FLYWCH1: variants seen among roughly 807,000 people sequenced by gnomAD.
The protein encoded by FLYWCH1 is FLYWCH-type zinc finger-containing protein 1.
FLYWCH1 carries 75 observed loss-of-function variants against 66.4 expected under a neutral mutation model. That is an observed-to-expected ratio of 1.13 (90% CI 0.94 to 1.37). The LOEUF is 1.37. Ranked by LOEUF, FLYWCH1 falls within the 40% of genes most tolerant of loss-of-function variation. The pLI is 0.00. For synonymous variants in FLYWCH1, 595 were observed against 429.9 expected, an observed-to-expected ratio of 1.38 and a Z score of -4.75; for missense variants, 1,334 against 1,001.8, an observed-to-expected ratio of 1.33 and a Z score of -4.48.
intron 2 of FLYWCH1, among the ~76,000 whole-genome samples, chr16:2,918,881 C>CT (rs2070268935): frequency 6.6e-6 from 1 of 152,142 alleles, no homozygotes; most frequent in African/African-American, 2.4e-5. Flanking sequence ...ATATTTTGGT[C>CT]TTTTTTGGAA....
At chr16:2,937,516 C>A in intron 7 of FLYWCH1, 132 bp downstream of exon 7, 2 of 1,121,774 alleles carry the variant, frequency 1.8e-6, no homozygotes, top group Non-Finnish European at 2.4e-6. Context: ...ATAAACTCCC[C>A]AGGGGCAGGA....
Position 2,929,978 on chromosome 16 carries a change from T to A in FLYWCH1, c.293T>A (p.Met98Lys). The change falls in exon 3 of 10, where the codon ATG becomes AAG. Residue 98 changes from methionine to lysine, a missense_variant. Met to Lys is a moderately conservative substitution (Grantham distance 95). Coordinates refer to ENST00000253928, the MANE Select transcript of FLYWCH1 (RefSeq NM_001308068.2). ...QGGVVQPALEMPEQKCSKLDA... is the reference protein window; with the variant it reads ...QGGVVQPALEKPEQKCSKLDA... ...GGGGTGGTCCAGCCAGCCCTAGAGA[T>A]GCCTGAACAGAAGTGCAGCAAGCTG... 1 of 1,609,338 alleles carries A rather than the reference T, an allele frequency of 6.2e-7. No individual in the cohort carries two copies. The highest frequency in any genetic ancestry group is 8.5e-7 in the Non-Finnish European group (1 of 1,176,592).
At chr16:2,918,765 T>C (rs1274532110) in intron 2 of FLYWCH1, among the ~76,000 whole-genome samples, 2 of 152,066 alleles carry the variant, frequency 1.3e-5, no homozygotes, top group Non-Finnish European at 1.5e-5. Context: ...GTTATAAACA[T>C]GTAAAATAAA....
In FLYWCH1 at chr16:2,937,155, C is replaced by T. The variant is rs1273205984; in HGVS notation, c.1548C>T (p.Gly516=). 6.2e-7 allele frequency: 1 copy of T among 1,609,310 alleles called. No individual in the cohort carries two copies. The highest frequency in any genetic ancestry group is 8.5e-7 in the Non-Finnish European group (1 of 1,178,566). Residue 516 remains glycine (G), a synonymous_variant, in exon 7 of 10, where the codon GGC becomes GGT. Coordinates refer to ENST00000253928, the MANE Select transcript of FLYWCH1 (RefSeq NM_001308068.2). ...GPEFLKTPLG[G]SFLVYESFLY... is the part of the protein sequence containing the mutation. Reference sequence around the variant, plus strand: ...AGTTCCTGAAGACGCCCCTGGGGGGCAGCTTCCTGGTGTACGAGTCCTTCC... The same window carrying T: ...AGTTCCTGAAGACGCCCCTGGGGGGTAGCTTCCTGGTGTACGAGTCCTTCC...
chr16:2,940,323 G>A (rs991796774), intron 9 of FLYWCH1, among the ~76,000 whole-genome samples: 1 of 152,144 alleles, frequency 6.6e-6, no homozygotes, highest in Non-Finnish European at 1.5e-5. Flanking sequence ...CCCCTCCTTG[G>A]GCCCACTTGA....
intron 2 of FLYWCH1, among the ~76,000 whole-genome samples, chr16:2,916,620 G>A (rs1450203885): frequency 6.6e-6 from 1 of 151,948 alleles, no homozygotes; most frequent in Non-Finnish European, 1.5e-5. Context: ...CTGGGTGACA[G>A]AGCGAGACTC....
rs2071595517 is a variant in FLYWCH1 at position 2,948,945 on chromosome 16, A to G, written c.*218A>G. 1 of 550,736 alleles carries G rather than the reference A, an allele frequency of 1.8e-6. No individual in the cohort carries two copies. The highest frequency in any genetic ancestry group is 3.3e-6 in the Non-Finnish European group (1 of 305,648). 34.1% of individuals were successfully genotyped at this position (550,736 alleles called of 1,614,324 possible). On this transcript the variant is annotated 3_prime_UTR_variant, in exon 10 of 10. Transcript: ENST00000253928. ...CAGTGCTCAGAGCTGGCGCTTGCAG[A>G]CGCAGCTGTCGTGGGGCAGGGCGGT...
intron 2 of FLYWCH1, among the ~76,000 whole-genome samples, chr16:2,920,696 C>T (rs147614588): frequency 6.6e-6 from 1 of 152,100 alleles, no homozygotes; most frequent in Non-Finnish European, 1.5e-5. Flanking sequence ...CATATGCCAC[C>T]ATGCCTGGCT....
At chr16:2,940,627 G>A (rs1472791754) in intron 9 of FLYWCH1, among the ~76,000 whole-genome samples, 1 of 152,050 alleles carries the variant, frequency 6.6e-6, no homozygotes, top group African/African-American at 2.4e-5. Context: ...GTAGAGATAG[G>A]GTTTTATCAT....
At chr16:2,922,405 A>G (rs2070405419) in intron 2 of FLYWCH1, 1 of 187,338 alleles carries the variant, frequency 5.3e-6, no homozygotes, top group African/African-American at 2.4e-5. Flanking sequence ...TTCATCCGTC[A>G]CCACCGTCCA....
chr16:2,923,937 T>A (rs919017629), intron 2 of FLYWCH1, among the ~76,000 whole-genome samples: 6 of 151,096 alleles, frequency 4.0e-5, no homozygotes, highest in African/African-American at 1.2e-4. Flanking sequence ...TACTTGGGAG[T>A]CTGAGGCAGA....
chr16:2,916,333 C>T (rs898468246), intron 2 of FLYWCH1, among the ~76,000 whole-genome samples: 2 of 152,012 alleles, frequency 1.3e-5, no homozygotes, highest in African/African-American at 4.8e-5. Flanking sequence ...GAGTGGGACT[C>T]CATCTCAAAA....
chr16:2,934,523 C>G (rs1307869814), intron 6 of FLYWCH1: 1 of 406,278 alleles, frequency 2.5e-6, no homozygotes. Context: ...GACTTCACAA[C>G]CACAGTTGCG....
rs2070889482 is a variant in FLYWCH1, at chr16:2,933,977, C to T, written c.1511C>T (p.Pro504Leu). ...KRPNTAQRGS[P>L]GGPEFLKTPL... ...CCCAACACGGCGCAGCGGGGGAGCC[C>T]AGGTACCTGGGGGTGGGCTGGGAGC... Residue 504 changes from proline to leucine, a missense_variant and splice_region_variant, in exon 6 of 10, where the codon CCA becomes CTA. Physicochemically the swap from Pro to Leu is moderately conservative, Grantham distance 98. Transcript: ENST00000253928. 5 of 1,526,824 alleles carry T rather than the reference C, an allele frequency of 3.3e-6. No individual in the cohort carries two copies. The South Asian group carries it at 4.8e-5, about 15-fold the overall frequency. 94.6% of individuals were successfully genotyped at this position (1,526,824 alleles called of 1,614,324 possible).
intron 9 of FLYWCH1, among the ~76,000 whole-genome samples, chr16:2,946,044 A>G (rs1387662804): frequency 6.6e-6 from 1 of 152,146 alleles, no homozygotes; most frequent in Non-Finnish European, 1.5e-5. Context: ...TAAAGAAAAT[A>G]TTTTTGTACA....
intron 2 of FLYWCH1, among the ~76,000 whole-genome samples, chr16:2,921,711 C>T (rs569973101): frequency 7.5e-5 from 11 of 147,376 alleles, no homozygotes; most frequent in African/African-American, 1.0e-4. Flanking sequence ...GTAGTGATCA[C>T]GCCACCACAC....
At chr16:2,934,676 C>T (rs768961549) in intron 6 of FLYWCH1, 2 of 456,816 alleles carry the variant, frequency 4.4e-6, no homozygotes, top group South Asian at 3.1e-5. Flanking sequence ...ATGTGAGTTG[C>T]CTCATGGCCC....
intron 2 of FLYWCH1, chr16:2,923,187 C>T (rs2070439209): frequency 2.8e-6 from 1 of 361,608 alleles, no homozygotes. Flanking sequence ...TTGGCTTCAG[C>T]TTTACAAGGG....
At chr16:2,922,031 C>G (rs1009639031) in intron 2 of FLYWCH1, among the ~76,000 whole-genome samples, 1 of 152,174 alleles carries the variant, frequency 6.6e-6, no homozygotes, top group Non-Finnish European at 1.5e-5. Flanking sequence ...CCACTGCACT[C>G]CTGCCTGGGC....
Sources: gnomAD v4.1 joint callset for allele counts (sites outside exome capture counted in the v4.1 genomes callset) on GRCh38, gnomAD v4.1.1 for gene constraint, MANE v1.5 for transcripts, NCBI Gene and HGNC (gene_info 2026-07-23, HGNC 2026-07-21) for gene names.